DNAH2: variants seen among roughly 807,000 people sequenced by gnomAD.
DNAH2 encodes the protein dynein axonemal heavy chain 2, also known as axonemal beta dynein heavy chain 2.
A neutral mutation model predicts 523.5 loss-of-function variants in DNAH2; 323 were observed. The observed-to-expected ratio is 0.62, with a 90% CI of 0.56 to 0.68. The LOEUF (loss-of-function observed/expected upper bound fraction) is 0.68. DNAH2 is among the 30% of genes least tolerant of loss of function. The pLI is 0.00. For synonymous variants in DNAH2, 2,093 were observed against 2,177.4 expected (o/e 0.96, Z 1.08); for missense variants, 4,907 against 5,701.5 (o/e 0.86, Z 4.49).
intron 52 of DNAH2, 59 bp from the exon 53 acceptor site, chr17:7,797,621 C>T (rs2077102464): frequency 6.2e-7 from 1 of 1,613,798 alleles, no homozygotes; most frequent in African/African-American, 1.3e-5. Context: ...AGTGTGGAGC[C>T]CTGTGGGGGG....
intron 72 of DNAH2, 77 bp downstream of exon 72, chr17:7,819,485 T>C: frequency 6.6e-7 from 1 of 1,525,678 alleles, no homozygotes. Context: ...ACCTTCGTGC[T>C]TTCCCGCACC....
At chr17:7,782,872 A>G (rs372555235) in intron 39 of DNAH2, among the ~76,000 whole-genome samples, 1 of 6,492 alleles carries the variant, frequency 1.5e-4, no homozygotes, top group East Asian at 3.6e-3. Flanking sequence ...AAGCTACTAG[A>G]AAAACGTGCT....
chr17:7,786,905 C>T lies in DNAH2; in HGVS notation c.6475C>T (p.Pro2159Ser), dbSNP rs377366538. 3.1e-6 allele frequency: 5 copies of T among 1,614,116 alleles called. No individual in the cohort carries two copies. In the African/African-American group the frequency reaches 6.7e-5, roughly 22 times the overall value. ...ACCCACCATCTACTCAGATGAGAAA[C>T]CCGACGAGAAGTGGATCCTGTTCGA... The part of the protein sequence containing the change: ...VMRTACADEK[P>S]DEKWILFDGP... The change falls in exon 42 of 86, where the codon CCC becomes TCC. Residue 2159 changes from proline to serine, a missense_variant. By Grantham distance (74) the Pro-to-Ser change is moderately conservative. Around this residue, in one of 3 missense-constraint regions of DNAH2, gnomAD observed 2,806 missense variants for 3,190.8 expected, o/e 0.88. Transcript: ENST00000572933. This position sits in a 1 kb window ranked among gnomAD's most constrained non-coding sequence, Gnocchi z 7.5.
At position 7,780,043 on chromosome 17, in the gene DNAH2, A is replaced by G; in HGVS notation, c.5723-114A>G. 3 of 1,388,850 alleles carry G rather than the reference A, an allele frequency of 2.2e-6. No individual in the cohort carries two copies. The allele number at this position is 1,388,850 out of a possible 1,614,324, so 86.0% of individuals were successfully genotyped here. On this transcript the variant is annotated intron_variant, in intron 36 of 85. Coordinates refer to ENST00000572933, the MANE Select transcript of DNAH2 (RefSeq NM_020877.5). This position sits in a 1 kb window ranked among gnomAD's most constrained non-coding sequence, Gnocchi z 4.4. ...GGATGTGGTCTTGGAGTTGGAGAGA[A>G]AGTTAGGGATGGAGTTAGGGTGGGA...
intron 73 of DNAH2, among the ~76,000 whole-genome samples, chr17:7,822,934 G>A (rs1027618897): frequency 2.0e-5 from 3 of 152,166 alleles, no homozygotes; most frequent in African/African-American, 7.2e-5. Context: ...GCTAAGGGCA[G>A]GGTCTGAGTC....
rs763294499 is a variant in DNAH2 at position 7,740,444 on chromosome 17, G to A, written c.1401G>A (p.Leu467=). The A allele has an allele frequency of 1.9e-6, 3 of 1,614,080 alleles. No individual in the cohort carries two copies. Among genetic ancestry groups the A allele is most frequent in the Non-Finnish European group, 2.5e-6 (3 of 1,180,028 alleles). The change falls in exon 10 of 86, where the codon CTG becomes CTA. Residue 467 remains leucine, a synonymous_variant. Coordinates refer to ENST00000572933, the MANE Select transcript of DNAH2 (RefSeq NM_020877.5). ...YNKFRAGIKD[L]EVMTQNLITS... is the part of the protein sequence containing the mutation. ...GGTTCCGTGCCGGAATCAAGGACCT[G>A]GAGGTGATGACCCAGAACCTGATCA...
chr17:7,790,410 T>C (rs114858010), intron 44 of DNAH2, among the ~76,000 whole-genome samples: 7,623 of 152,162 alleles, frequency 0.05, 501 homozygotes, highest in African/African-American at 0.15. Context: ...TTTCTAGAGA[T>C]GGGGTCTCAC....
rs772946892 is a variant in DNAH2 at position 7,792,298 on chromosome 17, C to T, written c.7100C>T (p.Thr2367Ile). 2 of 1,613,928 alleles carry T rather than the reference C, an allele frequency of 1.2e-6. No individual in the cohort carries two copies. Among genetic ancestry groups the T allele is most frequent in the African/African-American group, 2.7e-5 (2 of 74,868 alleles). The change falls in exon 46 of 86, where the codon ACA becomes ATA. Residue 2367 changes from threonine to isoleucine, a missense_variant. Transcript: ENST00000572933. ...YFVDPKIRSW[T>I]SFEDKLPKSW... is the part of the protein sequence containing the mutation. ...GTGGACCCCAAAATACGGAGTTGGA[C>T]ATCATTTGAGGACAAGCTCCCTAAG...
chr17:7,807,451 C>T lies in DNAH2; in HGVS notation c.9613-19C>T. On this transcript the variant is annotated intron_variant, in intron 62 of 85. Transcript: ENST00000572933. The surrounding 1 kb of genome is among the most constrained non-coding windows in gnomAD (Gnocchi z 5.6). The stretch of plus-strand genomic sequence containing the variant: ...GTGGGTTGGTGGGCGACTCCCACAG[C>T]CTGACTGTCTCCCCACAGCTGTATG... 1.2e-6 allele frequency: 2 copies of T among 1,612,444 alleles called. No individual in the cohort carries two copies. Among genetic ancestry groups the T allele is most frequent in the Non-Finnish European group, 1.7e-6 (2 of 1,179,728 alleles).
chr17:7,774,156 A>G (rs1027707561), intron 28 of DNAH2, among the ~76,000 whole-genome samples: 1 of 152,212 alleles, frequency 6.6e-6, no homozygotes, highest in Non-Finnish European at 1.5e-5. Flanking sequence ...AATTGGCAGC[A>G]TCACTACTCT....
chr17:7,719,587 G>A, intron 1 of DNAH2, 134 bp from the exon 2 acceptor site: 2 of 1,139,130 alleles, frequency 1.8e-6, no homozygotes, highest in Admixed American at 2.0e-5. Context: ...ATGGAGCAGG[G>A]TGTGGGTACC....
At chr17:7,744,977 A>T (rs965747937) in intron 12 of DNAH2, among the ~76,000 whole-genome samples, 1 of 151,892 alleles carries the variant, frequency 6.6e-6, no homozygotes, top group East Asian at 1.9e-4. Flanking sequence ...TTAAACACTA[A>T]TGATCAATCT....
rs1018696192 is a variant in DNAH2, at chr17:7,739,234, C to T, written c.1171-499C>T. On this transcript the variant is annotated intron_variant, in intron 8 of 85. Coordinates refer to ENST00000572933, the MANE Select transcript of DNAH2 (RefSeq NM_020877.5). The stretch of plus-strand genomic sequence containing the variant: ...CAGCCTGGCCAACATGGTGAAACCC[C>T]GTCTCTACTAAAAATACAAAAATTA... Among the ~76,000 whole-genome samples, 62 of 152,090 alleles carry T rather than the reference C, an allele frequency of 4.1e-4. 1 individual carries two copies. The highest frequency in any genetic ancestry group is 3.7e-3 in the Admixed American group (56 of 15,256).
intron 39 of DNAH2, among the ~76,000 whole-genome samples, chr17:7,781,705 T>C (rs1374649394): frequency 6.6e-6 from 1 of 152,228 alleles, no homozygotes; most frequent in East Asian, 1.9e-4. Flanking sequence ...TACTCAAGTG[T>C]ACCTGCTCAA....
chr17:7,750,449 G>A (rs2075652509), intron 12 of DNAH2, among the ~76,000 whole-genome samples: 1 of 151,890 alleles, frequency 6.6e-6, no homozygotes, highest in African/African-American at 2.4e-5. Context: ...CCTCTTTTTT[G>A]GTTTACGCCT....
At chr17:7,725,134 G>C (rs1279182191) in intron 3 of DNAH2, among the ~76,000 whole-genome samples, 1 of 151,932 alleles carries the variant, frequency 6.6e-6, no homozygotes, top group Non-Finnish European at 1.5e-5. Context: ...CTGTTGCCCA[G>C]GCTGGAGTGC....
At position 7,760,689 on chromosome 17, in the gene DNAH2, G is replaced by A; in HGVS notation, c.2786-51G>A. On this transcript the variant is annotated intron_variant, in intron 17 of 85. Coordinates refer to ENST00000572933, the MANE Select transcript of DNAH2 (RefSeq NM_020877.5). The surrounding 1 kb of genome is among the most constrained non-coding windows in gnomAD (Gnocchi z 4.0). Reference sequence around the variant, plus strand: ...AGCAGTGGGCAGGGCTCAGGCAGAAGTTGGGTTGGGGTGGAAGTCAGTGAG... The same window carrying A: ...AGCAGTGGGCAGGGCTCAGGCAGAAATTGGGTTGGGGTGGAAGTCAGTGAG... The A allele has an allele frequency of 6.4e-7, 1 of 1,568,240 alleles. No homozygotes were observed. Among genetic ancestry groups the A allele is most frequent in the Non-Finnish European group, 8.7e-7 (1 of 1,153,966 alleles).
At position 7,740,856 on chromosome 17, in the gene DNAH2, T is replaced by A; in HGVS notation, c.1553T>A (p.Leu518Gln). The change falls in exon 11 of 86, where the codon CTG (leucine) becomes CAG (glutamine). Residue 518 changes from leucine (L) to glutamine (Q), a missense_variant. By Grantham distance (113) the Leu-to-Gln change is moderately radical. Coordinates refer to ENST00000572933, the MANE Select transcript of DNAH2 (RefSeq NM_020877.5). ...AAGAAGGCGGTGGATCTCTACATGC[T>A]GTTCAATAGCGAGCTGGCCCTGGTG... ...YDKKAVDLYM[L>Q]FNSELALVNR... 1.2e-6 allele frequency: 2 copies of A among 1,613,628 alleles called. No homozygotes were observed. The highest frequency in any genetic ancestry group is 1.7e-6 in the Non-Finnish European group (2 of 1,179,558).
rs748668014 is a variant in DNAH2 at position 7,734,313 on chromosome 17, A to G, written c.739+20A>G. On this transcript the variant is annotated intron_variant, in intron 6 of 85. Coordinates refer to ENST00000572933, the MANE Select transcript of DNAH2 (RefSeq NM_020877.5). ...TAGAGAGTGAGTGGCTGGCACTGCT[A>G]GCATCACCTGGCGATCACAGGGGAG... 1.9e-5 allele frequency: 30 copies of G among 1,606,716 alleles called. 1 individual carries two copies. In the South Asian group the frequency reaches 2.7e-4, roughly 14 times the overall value.
Sources: allele counts gnomAD v4.1 joint callset (sites outside exome capture counted in the v4.1 genomes callset), GRCh38; gene constraint gnomAD v4.1.1; regional missense constraint gnomAD v4.1.1; non-coding constraint Gnocchi (gnomAD v3.1); transcripts MANE v1.5; gene names NCBI Gene and HGNC (gene_info 2026-07-23, HGNC 2026-07-21).